FBXO42: variants seen among roughly 807,000 people sequenced by gnomAD.
The protein encoded by FBXO42 is F-box only protein 42.
FBXO42 carries 12 observed loss-of-function variants against 71.7 expected under a neutral mutation model. The ratio of observed to expected loss-of-function variants is 0.17; its 90% confidence interval spans 0.11 to 0.27. The LOEUF (loss-of-function observed/expected upper bound fraction) is 0.27, where lower values mean the gene tolerates loss of function less well. FBXO42 is among the 10% of genes least tolerant of loss of function. The probability of loss-of-function intolerance (pLI) is 1.00; values close to 1 mark genes in which losing one functional copy is unlikely to be tolerated. For missense variants in FBXO42, 707 were observed against 911.9 expected (o/e 0.78, Z 2.89); for synonymous variants, 325 against 327.5 (o/e 0.99, Z 0.08).
chr1:16,285,209 C>G (rs2100511181), intron 4 of FBXO42, among the ~76,000 whole-genome samples: 1 of 152,166 alleles, frequency 6.6e-6, no homozygotes, highest in South Asian at 2.1e-4. Context: ...CCACTTAGCA[C>G]CTCAGCTCCT....
intron 4 of FBXO42, among the ~76,000 whole-genome samples, chr1:16,264,252 C>T (rs1349340221): frequency 6.6e-6 from 1 of 152,198 alleles, no homozygotes; most frequent in Non-Finnish European, 1.5e-5. Context: ...TTAAAACACA[C>T]ATATCTTCCA....
At chr1:16,315,043 T>A in intron 2 of FBXO42, 126 bp downstream of exon 2, 2 of 1,004,670 alleles carry the variant, frequency 2.0e-6, no homozygotes, top group African/African-American at 1.6e-5. Flanking sequence ...AACCGGGTAG[T>A]ATCGTCTAAT....
intron 1 of FBXO42, among the ~76,000 whole-genome samples, chr1:16,325,170 G>A (rs1247418017): frequency 6.6e-6 from 1 of 151,682 alleles, no homozygotes; most frequent in Non-Finnish European, 1.5e-5. Flanking sequence ...CCCGAGAGGT[G>A]GAGGCTGCAG....
intron 1 of FBXO42, among the ~76,000 whole-genome samples, chr1:16,343,692 G>A (rs1043538236): frequency 1.3e-5 from 2 of 152,032 alleles, no homozygotes; most frequent in Middle Eastern, 3.2e-3. Context: ...GCGTGGTGGT[G>A]GGTGCCTATA....
intron 7 of FBXO42, chr1:16,253,399 G>A (rs1272465352): frequency 3.4e-6 from 2 of 592,022 alleles, no homozygotes; most frequent in South Asian, 4.3e-5. Flanking sequence ...ATAAAATGCA[G>A]GATTCTCTTG....
At chr1:16,295,389 TTTTC>T (rs1044180188) in intron 3 of FBXO42, among the ~76,000 whole-genome samples, 1 of 152,152 alleles carries the variant, frequency 6.6e-6, no homozygotes. Flanking sequence ...AATCTTTTTT[TTTTC>T]TTTCTTTCTT....
At chr1:16,315,488 C>A in intron 1 of FBXO42, 53 bp from the exon 2 acceptor site, 1 of 1,543,236 alleles carries the variant, frequency 6.5e-7, no homozygotes, top group Non-Finnish European at 8.8e-7. Flanking sequence ...AGCTCAAAAA[C>A]AATTCAGGCA....
At chr1:16,332,792 C>T (rs910214911) in intron 1 of FBXO42, among the ~76,000 whole-genome samples, 1 of 152,100 alleles carries the variant, frequency 6.6e-6, no homozygotes, top group Non-Finnish European at 1.5e-5. Flanking sequence ...ATGCCTGCCT[C>T]GGCCTCCCAA....
At chr1:16,342,766 C>T (rs2082619374) in intron 1 of FBXO42, among the ~76,000 whole-genome samples, 1 of 152,024 alleles carries the variant, frequency 6.6e-6, no homozygotes, top group Non-Finnish European at 1.5e-5. Context: ...GAGGTGGGGC[C>T]TACTGGGTGG....
intron 2 of FBXO42, among the ~76,000 whole-genome samples, chr1:16,308,603 G>A (rs909245269): frequency 2.0e-5 from 3 of 151,324 alleles, no homozygotes; most frequent in African/African-American, 7.3e-5. Context: ...GAGCACAAGG[G>A]ATCCTTCCAC....
chr1:16,250,851 C>T lies in FBXO42; in HGVS notation c.1973G>A (p.Gly658Glu), dbSNP rs2081583588. 10 of 1,614,162 alleles carry T rather than the reference C, an allele frequency of 6.2e-6. No individual in the cohort carries two copies. The highest frequency in any genetic ancestry group is 8.5e-6 in the Non-Finnish European group (10 of 1,180,042). Reference protein sequence around the residue: ...VLDIKDTKEKGRVKWKVFNSS... With the variant: ...VLDIKDTKEKERVKWKVFNSS... ...ATTAAATACTTTCCATTTGACCCGC[C>T]CCTTCTCCTTGGTGTCTTTAATGTC... Residue 658 changes from glycine to glutamate, a missense_variant, in exon 10 of 10, where the codon GGG becomes GAG. Gly to Glu is a moderately conservative substitution (Grantham distance 98). Transcript: ENST00000375592. This position sits in a 1 kb window ranked among gnomAD's most constrained non-coding sequence, Gnocchi z 4.7.
intron 1 of FBXO42, among the ~76,000 whole-genome samples, chr1:16,346,469 A>T (rs2082655397): frequency 6.6e-6 from 1 of 152,042 alleles, no homozygotes; most frequent in South Asian, 2.1e-4. Flanking sequence ...CGGGCGGATC[A>T]TGAGGTCAGG....
chr1:16,262,866 C>T (rs1312356358), intron 4 of FBXO42, among the ~76,000 whole-genome samples: 3 of 151,960 alleles, frequency 2.0e-5, no homozygotes, highest in Non-Finnish European at 4.4e-5. Context: ...CGTGCCACCA[C>T]GGCAGGCTAG....
Position 16,315,262 on chromosome 1 carries a change from C to G in FBXO42, c.157G>C (p.Glu53Gln). Residue 53 changes from glutamate (E) to glutamine (Q), a missense_variant, in exon 2 of 10, where the codon GAG becomes CAG. Glu to Gln is a conservative substitution (Grantham distance 29, BLOSUM62 2). This residue lies in a region of FBXO42 where 188 missense variants were observed against 230.5 expected (regional missense o/e 0.82). Transcript: ENST00000375592. ...AAGGACAGGATATACTCCAAAACCTCTTCTGGCAGCTCCGACATGGACCTA... is the reference window on the plus strand; with the variant it reads ...AAGGACAGGATATACTCCAAAACCTGTTCTGGCAGCTCCGACATGGACCTA... ...HNRSMSELPE[E>Q]VLEYILSFLS... The G allele has an allele frequency of 6.2e-7, 1 of 1,614,146 alleles. No individual in the cohort carries two copies. The highest frequency in any genetic ancestry group is 8.5e-7 in the Non-Finnish European group (1 of 1,180,018).
At chr1:16,329,018 C>A (rs1009392405) in intron 1 of FBXO42, among the ~76,000 whole-genome samples, 1 of 151,828 alleles carries the variant, frequency 6.6e-6, no homozygotes, top group South Asian at 2.1e-4. Context: ...CAAAAATTAG[C>A]TGGCCATGGT....
At chr1:16,292,695 C>T (rs916861683) in intron 4 of FBXO42, 3 of 152,018 alleles carry the variant, frequency 2.0e-5, no homozygotes, top group Non-Finnish European at 4.4e-5. Flanking sequence ...TATGAAGGTC[C>T]CCAAACCAGA....
intron 4 of FBXO42, among the ~76,000 whole-genome samples, chr1:16,272,553 C>T (rs1269791076): frequency 6.6e-6 from 1 of 152,018 alleles, no homozygotes; most frequent in Non-Finnish European, 1.5e-5. Flanking sequence ...GCCACCGTGC[C>T]CGGTGGGTCA....
chr1:16,297,866 CAAA>C (rs34942089), intron 3 of FBXO42, among the ~76,000 whole-genome samples: 1 of 74,548 alleles, frequency 1.3e-5, no homozygotes, highest in Non-Finnish European at 2.5e-5. Context: ...GACTCCATCT[CAAA>C]AAAAAAAAAA....
Position 16,255,763 on chromosome 1 carries a change from C to T in FBXO42, c.715G>A (p.Val239Met), listed in dbSNP as rs2081636647. The T allele has an allele frequency of 6.2e-7, 1 of 1,614,016 alleles. No individual in the cohort carries two copies. The highest frequency in any genetic ancestry group is 1.3e-5 in the African/African-American group (1 of 74,914). The change falls in exon 6 of 10, where the codon GTG becomes ATG. Residue 239 changes from valine (V) to methionine (M), a missense_variant. Around this residue, in one of 5 missense-constraint regions of FBXO42, gnomAD observed 482 missense variants for 587.1 expected, o/e 0.82. Coordinates refer to ENST00000375592, the MANE Select transcript of FBXO42 (RefSeq NM_018994.3). ...PPPMAGHSSC[V>M]IDDKMIVFGG... ...AAGACAATCATTTTATCATCTATCA[C>T]ACAGGAGGAGTGGCCAGCCATGGGA...
Sources: allele counts gnomAD v4.1 joint callset (sites outside exome capture counted in the v4.1 genomes callset), GRCh38; gene constraint gnomAD v4.1.1; regional missense constraint gnomAD v4.1.1; non-coding constraint Gnocchi (gnomAD v3.1); transcripts MANE v1.5; gene names NCBI Gene and HGNC (gene_info 2026-07-23, HGNC 2026-07-21).